MFSD11: variants seen among roughly 807,000 people sequenced by gnomAD.
MFSD11 encodes major facilitator superfamily domain containing 11.
A neutral mutation model predicts 53.5 loss-of-function variants in MFSD11; 36 were observed. The observed-to-expected ratio is 0.67, with a 90% CI of 0.52 to 0.89. MFSD11 has a LOEUF of 0.89. Among genes scored for constraint, MFSD11 ranks in the 40% least tolerant of loss-of-function variants. The pLI is 0.00. For missense variants in MFSD11, 530 were observed against 543.9 expected (o/e 0.97, Z 0.25); for synonymous variants, 186 against 184.9 (o/e 1.01, Z -0.05).
At chr17:76,737,212 T>C, upstream of MFSD11, 4 of 1,481,984 alleles carry the variant, frequency 2.7e-6, no homozygotes, top group Non-Finnish European at 3.6e-6. Context: ...CTTCCTCAGC[T>C]CTGGGCGGTG....
At chr17:76,800,897 T>C in the MFSD11 span, among the ~76,000 whole-genome samples, 1 of 151,530 alleles carries the variant, frequency 6.6e-6, no homozygotes, top group South Asian at 2.1e-4. Flanking sequence ...GGCAACATGA[T>C]GAAACCCCAT....
chr17:76,764,589 T>C (rs757557288), intron 8 of MFSD11, among the ~76,000 whole-genome samples: 8 of 152,248 alleles, frequency 5.3e-5, no homozygotes, highest in Non-Finnish European at 1.0e-4. Flanking sequence ...GATTTCCTTT[T>C]GTAAGGCTGA....
chr17:76,750,391 CAG>C (rs1355499950), intron 7 of MFSD11, among the ~76,000 whole-genome samples: 9 of 122,550 alleles, frequency 7.3e-5, no homozygotes, highest in African/African-American at 2.7e-4. Context: ...TTTTTTGAGA[CAG>C]AGTCTCACTC....
At chr17:76,786,860 G>A in the MFSD11 span, among the ~76,000 whole-genome samples, 4 of 152,096 alleles carry the variant, frequency 2.6e-5, no homozygotes, top group Non-Finnish European at 5.9e-5. Context: ...CTGTCACCCA[G>A]GCTGGAGTGC....
chr17:76,754,019 A>G, intron 7 of MFSD11, 28 bp from the exon 8 acceptor site: 1 of 1,584,826 alleles, frequency 6.3e-7, no homozygotes, highest in Non-Finnish European at 8.6e-7. Flanking sequence ...AAAAGAAAAA[A>G]CTTATTTTTT....
Position 76,751,938 on chromosome 17 carries a change from C to T in MFSD11, c.642-2109C>T, listed in dbSNP as rs77122733. 8.2e-4 allele frequency among the ~76,000 whole-genome samples: 125 copies of T among 152,222 alleles called. No homozygotes were observed. In the South Asian group the frequency reaches 0.013, roughly 16 times the overall value. ...AAGCCAGGCCTCTGACTCCAAAGCC[C>T]TTGTTTCAATCAGTAGATCATTGTG... On this transcript the variant is annotated intron_variant, in intron 7 of 12. Coordinates refer to ENST00000685175, the MANE Select transcript of MFSD11 (RefSeq NM_001242532.5).
chr17:76,755,818 T>A (rs368764779), intron 8 of MFSD11, among the ~76,000 whole-genome samples: 217 of 14,778 alleles, frequency 0.015, no homozygotes, highest in Middle Eastern at 0.12. Context: ...ATATATTTTT[T>A]TTTTTTTTTT....
chr17:76,791,305 T>A, the MFSD11 span, among the ~76,000 whole-genome samples: 3 of 149,414 alleles, frequency 2.0e-5, 1 homozygote, highest in Non-Finnish European at 3.0e-5. Flanking sequence ...TTTGACTTCG[T>A]TTCAATTCAC....
At position 76,769,888 on chromosome 17, in the gene MFSD11, A is replaced by G. The variant is rs746114479; in HGVS notation, c.874+17A>G. On this transcript the variant is annotated intron_variant, in intron 10 of 12. Coordinates refer to ENST00000685175, the MANE Select transcript of MFSD11 (RefSeq NM_001242532.5). ...AAATTTTAGGTTGGTTTTAAAAAAA[A>G]GCGTTTGCATTAAAAATATCAGTTT... The G allele has an allele frequency of 2.5e-6, 4 of 1,602,478 alleles. No individual in the cohort carries two copies. Among genetic ancestry groups the G allele is most frequent in the Non-Finnish European group, 2.5e-6 (3 of 1,176,940 alleles).
the MFSD11 span, among the ~76,000 whole-genome samples, chr17:76,801,153 C>T: frequency 2.0e-5 from 3 of 151,262 alleles, no homozygotes; most frequent in South Asian, 2.1e-4. Context: ...GCACTTCGGG[C>T]GGCTGAGGAG....
chr17:76,768,050 C>T (rs1192125804), intron 9 of MFSD11, among the ~76,000 whole-genome samples: 1 of 152,160 alleles, frequency 6.6e-6, no homozygotes, highest in Non-Finnish European at 1.5e-5. Flanking sequence ...CGCCTGTAAT[C>T]CCAGCACTTT....
At chr17:76,793,081 GGC>G in the MFSD11 span, among the ~76,000 whole-genome samples, 1 of 151,562 alleles carries the variant, frequency 6.6e-6, no homozygotes, top group African/African-American at 2.4e-5. Flanking sequence ...TCACAGGATG[GGC>G]GAAATTAAAA....
At chr17:76,737,971 G>T, upstream of MFSD11, 1 of 262,872 alleles carries the variant, frequency 3.8e-6, no homozygotes, top group Non-Finnish European at 7.2e-6. Flanking sequence ...CCGCGGCTGC[G>T]GTCAGGTGAC....
At chr17:76,751,248 G>A (rs2079026896) in intron 7 of MFSD11, among the ~76,000 whole-genome samples, 1 of 151,856 alleles carries the variant, frequency 6.6e-6, no homozygotes, top group Non-Finnish European at 1.5e-5. Flanking sequence ...AAATTAGCCA[G>A]GCGTAGTGGC....
At chr17:76,744,946 C>G (rs141595661) in intron 7 of MFSD11, among the ~76,000 whole-genome samples, 1 of 152,324 alleles carries the variant, frequency 6.6e-6, no homozygotes, top group East Asian at 1.9e-4. Flanking sequence ...TGGTGTCCGG[C>G]TCTTGCACTA....
chr17:76,752,585 TG>T (rs2079154331), intron 7 of MFSD11, among the ~76,000 whole-genome samples: 1 of 152,100 alleles, frequency 6.6e-6, no homozygotes, highest in South Asian at 2.1e-4. Context: ...TTCGCCATGT[TG>T]GCCAGGCTGA....
Position 76,738,451 on chromosome 17 carries a change from G to C in MFSD11, c.96+3G>C, listed in dbSNP as rs2077715134. The C allele has an allele frequency of 1.9e-6, 3 of 1,609,798 alleles. No homozygotes were observed. The highest frequency in any genetic ancestry group is 2.6e-6 in the Non-Finnish European group (3 of 1,176,086). On this transcript the variant is annotated splice_donor_region_variant and intron_variant, in intron 1 of 12. Transcript: ENST00000685175. ...TTCAAACTTGTGGAAATGTGGCGGT[G>C]AGTTGGAATCTGTCCTCCCTCCTTT...
chr17:76,755,780 G>A (rs2079516289), intron 8 of MFSD11, among the ~76,000 whole-genome samples: 3 of 67,790 alleles, frequency 4.4e-5, no homozygotes, highest in East Asian at 5.4e-4. Context: ...GTGTGTGTGT[G>A]TGTGTGTATA....
chr17:76,799,706 T>G, the MFSD11 span, among the ~76,000 whole-genome samples: 6 of 152,032 alleles, frequency 3.9e-5, no homozygotes, highest in South Asian at 1.2e-3. Flanking sequence ...GAACCACACC[T>G]CTGTGTCCCA....
Sources: allele counts gnomAD v4.1 joint callset (sites outside exome capture counted in the v4.1 genomes callset), GRCh38; gene constraint gnomAD v4.1.1; transcripts MANE v1.5; gene names NCBI Gene and HGNC (gene_info 2026-07-23, HGNC 2026-07-21).